SYNRG: variants seen among roughly 807,000 people sequenced by gnomAD.
SYNRG encodes synergin gamma.
A neutral mutation model predicts 130.9 loss-of-function variants in SYNRG; 37 were observed. The observed-to-expected ratio is 0.28, with a 90% CI of 0.22 to 0.37. The LOEUF is 0.37. SYNRG is among the 10% of genes least tolerant of loss of function. The probability of loss-of-function intolerance (pLI) is 1.00; values close to 1 mark genes in which losing one functional copy is unlikely to be tolerated. For synonymous variants in SYNRG, 539 were observed against 568.1 expected (o/e 0.95, Z 0.73); for missense variants, 1,338 against 1,588.9 (o/e 0.84, Z 2.68).
At chr17:37,591,906 T>TA (rs1259262580) in intron 3 of SYNRG, among the ~76,000 whole-genome samples, 7 of 152,162 alleles carry the variant, frequency 4.6e-5, no homozygotes, top group East Asian at 3.8e-4. Context: ...AATGAACTCT[T>TA]AGAGTTATAC....
At chr17:37,525,380 T>C (rs2055711829) in intron 19 of SYNRG, among the ~76,000 whole-genome samples, 1 of 152,208 alleles carries the variant, frequency 6.6e-6, no homozygotes, top group South Asian at 2.1e-4. Flanking sequence ...TACAATGGTG[T>C]CCAGGAAGAT....
In SYNRG at chr17:37,514,886, A is replaced by G. The variant is rs6607276; in HGVS notation, c.*4054T>C. 6.6e-5 allele frequency: 10 copies of G among 152,232 alleles called. No homozygotes were observed. The highest frequency in any genetic ancestry group is 1.3e-4 in the Non-Finnish European group (9 of 68,034). The allele number at this position is 152,232 out of a possible 1,614,324, so 9.4% of individuals were successfully genotyped here. Reference sequence around the variant, plus strand: ...CAGACCCTGAAAATATTTTAAAGGTAAAGCTTTATAATGTCTAAACACATC... The same window carrying G: ...CAGACCCTGAAAATATTTTAAAGGTGAAGCTTTATAATGTCTAAACACATC... On this transcript the variant is annotated 3_prime_UTR_variant, in exon 22 of 22. Coordinates refer to ENST00000612223, the MANE Select transcript of SYNRG (RefSeq NM_007247.6).
chr17:37,533,658 G>C (rs2144512120), intron 19 of SYNRG, among the ~76,000 whole-genome samples: 1 of 145,392 alleles, frequency 6.9e-6, no homozygotes, highest in South Asian at 2.2e-4. Flanking sequence ...TGTGATCTCA[G>C]CTCACTGCAA....
At chr17:37,527,245 C>A (rs996768518) in intron 19 of SYNRG, among the ~76,000 whole-genome samples, 2 of 152,128 alleles carry the variant, frequency 1.3e-5, no homozygotes, top group Admixed American at 1.3e-4. Context: ...TGGCAAAAAT[C>A]GATTAATTTT....
chr17:37,579,313 GGAA>G, intron 6 of SYNRG: 7 of 1,304,256 alleles, frequency 5.4e-6, no homozygotes, highest in Non-Finnish European at 7.1e-6. Flanking sequence ...GCTGGGACGT[GGAA>G]GAAGGCCCAC....
rs548083162 is a variant in SYNRG at position 37,559,341 on chromosome 17, A to G, written c.1663+1854T>C. Among the ~76,000 whole-genome samples, 106 of 152,256 alleles carry G rather than the reference A, an allele frequency of 7.0e-4. No homozygotes were observed. In the South Asian group the frequency reaches 0.021, roughly 31 times the overall value. ...GATCATGAGTGAAAGGCTAAAAAAAACCAAATAATAATGGTACCAAGTACC... is the reference window on the plus strand; with the variant it reads ...GATCATGAGTGAAAGGCTAAAAAAAGCCAAATAATAATGGTACCAAGTACC... On this transcript the variant is annotated intron_variant, in intron 13 of 21. Transcript: ENST00000612223.
In SYNRG at chr17:37,520,644, T is replaced by C. The variant is rs370165113; in HGVS notation, c.3671A>G (p.Asp1224Gly). The C allele has an allele frequency of 1.1e-4, 170 of 1,614,124 alleles. 1 individual carries two copies. The highest frequency in any genetic ancestry group is 8.2e-4 in the Middle Eastern group (5 of 6,062). ...GGAGGAAAAATCCAGCGAGTTTTCA[T>C]CTGGCTGTGAGGACGACAAGACAAA... ...GFMSLATLTP[D>G]ENSLDFSSCM... The change falls in exon 20 of 22, where the codon GAT becomes GGT. Residue 1224 changes from aspartate (D) to glycine (G), a missense_variant. By Grantham distance (94) the Asp-to-Gly change is moderately conservative. Around this residue, in one of 3 missense-constraint regions of SYNRG, gnomAD observed 1,146 missense variants for 1,342.3 expected, o/e 0.85. Coordinates refer to ENST00000612223, the MANE Select transcript of SYNRG (RefSeq NM_007247.6).
intron 11 of SYNRG, among the ~76,000 whole-genome samples, chr17:37,564,612 C>G (rs1290824872): frequency 6.6e-6 from 1 of 152,242 alleles, no homozygotes; most frequent in Non-Finnish European, 1.5e-5. Context: ...ACTCCTAAAA[C>G]CTTACTTGCC....
chr17:37,568,552 T>TA (rs1441350347), intron 11 of SYNRG: 1 of 396,244 alleles, frequency 2.5e-6, no homozygotes, highest in Non-Finnish European at 4.5e-6. Context: ...TTGGCACAGG[T>TA]AAAAAAGAAT....
At chr17:37,562,393 C>T (rs941663322) in intron 11 of SYNRG, among the ~76,000 whole-genome samples, 9 of 151,750 alleles carry the variant, frequency 5.9e-5, no homozygotes, top group African/African-American at 2.2e-4. Flanking sequence ...ATTACTTTTT[C>T]TTCTTCTTCT....
intron 13 of SYNRG, among the ~76,000 whole-genome samples, chr17:37,558,622 T>A (rs2059291717): frequency 6.6e-6 from 1 of 152,168 alleles, no homozygotes; most frequent in Non-Finnish European, 1.5e-5. Flanking sequence ...CATAAATCCC[T>A]CTCTCTTCAT....
chr17:37,558,951 T>C (rs1036743266), intron 13 of SYNRG, among the ~76,000 whole-genome samples: 2 of 152,216 alleles, frequency 1.3e-5, no homozygotes, highest in African/African-American at 4.8e-5. Context: ...TCCTGCTTAC[T>C]CCCACTTGGT....
At position 37,596,127 on chromosome 17, in the gene SYNRG, C is replaced by G. The variant is rs1046714414; in HGVS notation, c.240+96G>C. ...GGAAGCCATTTATTTATGCTTATTT[C>G]TAATTGTAACATTAAGCTCTTAGCC... is the stretch of plus-strand genomic sequence containing the variant. On this transcript the variant is annotated intron_variant, in intron 3 of 21. Transcript: ENST00000612223. 14 of 1,374,944 alleles carry G rather than the reference C, an allele frequency of 1.0e-5. No individual in the cohort carries two copies. The African/African-American group carries it at 1.6e-4, about 16-fold the overall frequency. The allele number at this position is 1,374,944 out of a possible 1,614,324, so 85.2% of individuals were successfully genotyped here.
Position 37,561,555 on chromosome 17 carries a change from T to C in SYNRG, c.1516A>G (p.Lys506Glu), listed in dbSNP as rs1485080363. ...TATTTGTCCATTGAAGGCAATGCTT[T>C]AGTTCCAGGAAGTGGCATCAACAAA... ...PSLLMPLPGTKALPSMDKYAV... is the reference protein window; with the variant it reads ...PSLLMPLPGTEALPSMDKYAV... Residue 506 changes from lysine to glutamate, a missense_variant, in exon 12 of 22, where the codon AAA becomes GAA. This residue lies in a region of SYNRG where 1,146 missense variants were observed against 1,342.3 expected (regional missense o/e 0.85). Coordinates refer to ENST00000612223, the MANE Select transcript of SYNRG (RefSeq NM_007247.6). The C allele has an allele frequency of 6.2e-7, 1 of 1,613,462 alleles. No individual in the cohort carries two copies. The highest frequency in any genetic ancestry group is 1.7e-5 in the Admixed American group (1 of 60,004).
intron 19 of SYNRG, among the ~76,000 whole-genome samples, chr17:37,525,749 C>CGTTT (rs1568261136): frequency 4.6e-5 from 7 of 152,264 alleles, no homozygotes; most frequent in South Asian, 2.1e-4. Context: ...GGGCGGATCA[C>CGTTT]GAGGTCAGGC....
intron 19 of SYNRG, among the ~76,000 whole-genome samples, chr17:37,528,829 A>G (rs903705319): frequency 2.0e-5 from 3 of 152,252 alleles, no homozygotes; most frequent in African/African-American, 7.2e-5. Flanking sequence ...GGGCAACTCA[A>G]GTTTCACAGA....
Position 37,518,948 on chromosome 17 carries a change from G to A in SYNRG, c.3937C>T (p.Leu1313=). ...PKPPGLVLPD[L]L is the part of the protein sequence containing the mutation. ...CTTCACAGAGGAGTTGTTCAGAGCA[G>A]GTCAGGCAGGACGAGGCCAGGAGGC... The change falls in exon 22 of 22, where the codon CTG becomes TTG. Residue 1313 remains leucine (L), a synonymous_variant. Transcript: ENST00000612223. 1 of 1,613,988 alleles carries A rather than the reference G, an allele frequency of 6.2e-7. No individual in the cohort carries two copies. The highest frequency in any genetic ancestry group is 1.1e-5 in the South Asian group (1 of 91,070).
intron 19 of SYNRG, among the ~76,000 whole-genome samples, chr17:37,522,734 G>A (rs1351847680): frequency 6.6e-6 from 1 of 150,920 alleles, no homozygotes; most frequent in Non-Finnish European, 1.5e-5. Context: ...TCCACCTCCT[G>A]GGTTCAAGGG....
At chr17:37,561,052 G>A (rs1039174599) in intron 13 of SYNRG, 143 bp downstream of exon 13, 1 of 702,040 alleles carries the variant, frequency 1.4e-6, no homozygotes, top group East Asian at 2.7e-5. Context: ...ATACCATATT[G>A]TTTTGTCCAT....
Sources: gnomAD v4.1 joint callset for allele counts (sites outside exome capture counted in the v4.1 genomes callset) on GRCh38, gnomAD v4.1.1 for gene constraint, gnomAD v4.1.1 regional missense constraint, MANE v1.5 for transcripts, NCBI Gene and HGNC (gene_info 2026-07-23, HGNC 2026-07-21) for gene names.